The following NEK6 variants were observed in gnomAD, a reference collection of about 807,000 sequenced individuals.
NEK6 encodes the protein serine/threonine-protein kinase Nek6.
NEK6 carries 27 observed loss-of-function variants against 43.5 expected under a neutral mutation model. That is an observed-to-expected ratio of 0.62 (90% CI 0.46 to 0.86). The LOEUF (loss-of-function observed/expected upper bound fraction) is 0.86, where lower values mean the gene tolerates loss of function less well. NEK6 is among the 40% of genes least tolerant of loss of function. The probability of loss-of-function intolerance (pLI) is 0.00; values close to 1 mark genes in which losing one functional copy is unlikely to be tolerated. For synonymous variants in NEK6, 167 were observed against 164.1 expected (o/e 1.02, Z -0.14); for missense variants, 318 against 414.4 (o/e 0.77, Z 2.02).
intron 2 of NEK6, among the ~76,000 whole-genome samples, chr9:124,309,248 G>A (rs527665828): frequency 5.3e-5 from 8 of 152,316 alleles, no homozygotes; most frequent in South Asian, 2.1e-4. Flanking sequence ...TAATTGGGTC[G>A]GATGGACTGT....
chr9:124,342,674 C>G (rs1247913908), intron 8 of NEK6, among the ~76,000 whole-genome samples: 2 of 152,270 alleles, frequency 1.3e-5, no homozygotes, highest in African/African-American at 4.8e-5. Context: ...TGCAGCCCAG[C>G]CTCAGTCTCC....
rs2068165 is a variant in NEK6, at chr9:124,326,071, G to A, written c.406-259G>A. Among the ~76,000 whole-genome samples, 49,107 of 152,186 alleles carry A rather than the reference G, an allele frequency of 0.32. 8,025 individuals carry two copies. Among genetic ancestry groups the A allele is most frequent in the South Asian group, 0.34 (1,658 of 4,830 alleles). ...CCATGCAGCAAAGCCATCCGGACAT[G>A]CCAGGCCTGCCTGGCCCTCACGGAG... On this transcript the variant is annotated intron_variant, in intron 5 of 9. Transcript: ENST00000320246. The surrounding 1 kb of genome is among the most constrained non-coding windows in gnomAD (Gnocchi z 4.5).
At chr9:124,265,979 A>T (rs1304003656) in intron 1 of NEK6, among the ~76,000 whole-genome samples, 1 of 152,090 alleles carries the variant, frequency 6.6e-6, no homozygotes, top group Non-Finnish European at 1.5e-5. Flanking sequence ...GGTGCTCTTG[A>T]TCAATTTGCA....
At chr9:124,318,205 A>G (rs1833912482) in intron 4 of NEK6, among the ~76,000 whole-genome samples, 1 of 152,158 alleles carries the variant, frequency 6.6e-6, no homozygotes, top group Non-Finnish European at 1.5e-5. Flanking sequence ...TGACTTCGTA[A>G]TAATTGCCAT....
At chr9:124,350,728 C>T in intron 9 of NEK6, 109 bp from the exon 10 acceptor site, 1 of 771,744 alleles carries the variant, frequency 1.3e-6, no homozygotes, top group Non-Finnish European at 2.2e-6. Context: ...GACAACGGGA[C>T]CATCTAGTTG....
chr9:124,284,933 C>T (rs1236762488), intron 1 of NEK6, among the ~76,000 whole-genome samples: 1 of 152,196 alleles, frequency 6.6e-6, no homozygotes, highest in Admixed American at 6.5e-5. Flanking sequence ...CAGGAATGCC[C>T]ACCTCATGGG....
At chr9:124,336,500 C>G (rs4838166) in intron 7 of NEK6, among the ~76,000 whole-genome samples, 144,610 of 152,242 alleles carry the variant, frequency 0.95, 69,062 homozygotes, top group East Asian at 1. Context: ...CCTGAGGCCT[C>G]GGCCCGGTGC....
chr9:124,284,785 C>T (rs1034488611), intron 1 of NEK6, among the ~76,000 whole-genome samples: 1 of 152,208 alleles, frequency 6.6e-6, no homozygotes, highest in Non-Finnish European at 1.5e-5. Context: ...GGGAGCTTCC[C>T]TTAATGACAC....
intron 1 of NEK6, among the ~76,000 whole-genome samples, chr9:124,299,322 C>T (rs191990685): frequency 6.6e-6 from 1 of 152,196 alleles, no homozygotes; most frequent in South Asian, 2.1e-4. Context: ...GAGCATGTCA[C>T]CCTGAGGGGT....
rs535266752 is a variant in NEK6, at chr9:124,327,813, C to T, written c.622+368C>T. ...CCCTCCTAGGGGGTGGACATTTGCA[C>T]TGTTCCTAGTTTCTGGCTTTTAAAC... On this transcript the variant is annotated intron_variant, in intron 7 of 9. Transcript: ENST00000320246. Among the ~76,000 whole-genome samples, 286 of 152,204 alleles carry T rather than the reference C, an allele frequency of 1.9e-3. 2 individuals carry two copies. Among genetic ancestry groups the T allele is most frequent in the Non-Finnish European group, 1.6e-3 (106 of 68,030 alleles).
chr9:124,336,819 GC>G (rs1829320337), intron 7 of NEK6, among the ~76,000 whole-genome samples: 1 of 152,118 alleles, frequency 6.6e-6, no homozygotes, highest in African/African-American at 2.4e-5. Context: ...GACCAGCCTG[GC>G]CAACATGGTG....
chr9:124,292,877 C>T, intron 1 of NEK6: 1 of 1,468,462 alleles, frequency 6.8e-7, no homozygotes. Flanking sequence ...TTAGAGACAG[C>T]ACGGGGGAGC....
At chr9:124,330,435 C>T (rs1367563442) in intron 7 of NEK6, among the ~76,000 whole-genome samples, 3 of 152,038 alleles carry the variant, frequency 2.0e-5, no homozygotes, top group Non-Finnish European at 4.4e-5. Flanking sequence ...AGCGGGCGGG[C>T]AGGCCTGGCT....
At chr9:124,302,800 A>T (rs1258218118) in intron 2 of NEK6, among the ~76,000 whole-genome samples, 7 of 152,214 alleles carry the variant, frequency 4.6e-5, no homozygotes, top group Non-Finnish European at 1.0e-4. Flanking sequence ...CCGTGATCAC[A>T]TCTCACTGGG....
At chr9:124,278,519 C>G (rs933826820) in intron 1 of NEK6, among the ~76,000 whole-genome samples, 2 of 152,174 alleles carry the variant, frequency 1.3e-5, no homozygotes, top group African/African-American at 4.8e-5. Context: ...CACCCCCTCG[C>G]AGACCCAGGT....
In NEK6 at chr9:124,326,602, C is replaced by T. The variant is rs911443589; in HGVS notation, c.514+164C>T. On this transcript the variant is annotated intron_variant, in intron 6 of 9. Coordinates refer to ENST00000320246, the MANE Select transcript of NEK6 (RefSeq NM_014397.6). This position sits in a 1 kb window ranked among gnomAD's most constrained non-coding sequence, Gnocchi z 4.5. Reference sequence around the variant, plus strand: ...CAGCAACCGCGCACACACACGCGCCCGGGTCAGGAACCTCCCCGAGGTGGA... The same window carrying T: ...CAGCAACCGCGCACACACACGCGCCTGGGTCAGGAACCTCCCCGAGGTGGA... Among the ~76,000 whole-genome samples the T allele has an allele frequency of 5.3e-5, 8 of 152,172 alleles. No individual in the cohort carries two copies. The highest frequency in any genetic ancestry group is 1.3e-4 in the Admixed American group (2 of 15,282).
At chr9:124,263,035 G>C (rs1159282377) in intron 1 of NEK6, 1 of 152,196 alleles carries the variant, frequency 6.6e-6, no homozygotes, top group Non-Finnish European at 1.5e-5. Context: ...GGCAGTATGG[G>C]AATTAGTCCA....
intron 1 of NEK6, among the ~76,000 whole-genome samples, chr9:124,293,509 G>C (rs1000769922): frequency 6.6e-6 from 1 of 152,192 alleles, no homozygotes; most frequent in African/African-American, 2.4e-5. Context: ...CCAGAATTGG[G>C]TTTTATTACC....
intron 2 of NEK6, among the ~76,000 whole-genome samples, chr9:124,308,129 CA>C (rs1487022225): frequency 6.6e-6 from 1 of 152,168 alleles, no homozygotes; most frequent in African/African-American, 2.4e-5. Context: ...CCTCAGTTTC[CA>C]AAGAGGAAAC....
Sources: allele counts gnomAD v4.1 joint callset (sites outside exome capture counted in the v4.1 genomes callset), GRCh38; gene constraint gnomAD v4.1.1; non-coding constraint Gnocchi (gnomAD v3.1); transcripts MANE v1.5; gene names NCBI Gene and HGNC (gene_info 2026-07-23, HGNC 2026-07-21).